The following PROK1 variants were observed in gnomAD, a reference collection of about 807,000 sequenced individuals.
PROK1 encodes the protein prokineticin-1.
In PROK1, 10 loss-of-function variants were observed where a neutral mutation model predicts 8.8. That is an observed-to-expected ratio of 1.13 (90% CI 0.70 to 1.92). The LOEUF is 1.92. PROK1 is among the 30% of genes most tolerant of loss of function. The pLI is 0.00. For missense variants in PROK1, 140 were observed against 139.7 expected (o/e 1.00, Z -0.01); for synonymous variants, 57 against 56.0 (o/e 1.02, Z -0.08).
chr1:110,453,852 C>G, intron 1 of PROK1, 109 bp from the exon 2 acceptor site: 1 of 1,461,334 alleles, frequency 6.8e-7, no homozygotes, highest in Non-Finnish European at 9.6e-7. Context: ...GGGTGATACT[C>G]TCAGCCTCTT....
At chr1:110,454,386 C>A (rs891272430) in intron 2 of PROK1, among the ~76,000 whole-genome samples, 16 of 152,260 alleles carry the variant, frequency 1.1e-4, no homozygotes, top group Non-Finnish European at 1.9e-4. Context: ...TTTATTTGTA[C>A]AGGGCCTGAC....
chr1:110,453,051 TAGG>T lies in PROK1; in HGVS notation c.73-906_73-904del, dbSNP rs751881518. ...TCTTTCCCTCTTGGGTCTGAGCAAG[TAGG>T]AGGCTTCCAGGTCCTGCCACGTCCC... is the stretch of plus-strand genomic sequence containing the variant. On this transcript the variant is annotated intron_variant, in intron 1 of 2. Coordinates refer to ENST00000271331, the MANE Select transcript of PROK1 (RefSeq NM_032414.3). Among the ~76,000 whole-genome samples the T allele has an allele frequency of 2.0e-5, 3 of 152,120 alleles. No individual in the cohort carries two copies. In the South Asian group the frequency reaches 6.2e-4, roughly 32 times the overall value.
At chr1:110,453,404 C>A (rs1428177121) in intron 1 of PROK1, among the ~76,000 whole-genome samples, 2 of 152,148 alleles carry the variant, frequency 1.3e-5, no homozygotes, top group Non-Finnish European at 2.9e-5. Context: ...GTAGAGAAAC[C>A]CTGGGAGAGG....
chr1:110,456,326 T>G lies in PROK1; in HGVS notation c.293T>G (p.Met98Arg). The change falls in exon 3 of 3, where the codon ATG (methionine) becomes AGG (arginine). Residue 98 changes from methionine (M) to arginine (R), a missense_variant. By Grantham distance (91) the Met-to-Arg change is moderately conservative. Transcript: ENST00000271331. ...CCGGACGGCAGGTACCGCTGCTCCATGGACTTGAAGAACATCAATTTTTAG... is the reference window on the plus strand; with the variant it reads ...CCGGACGGCAGGTACCGCTGCTCCAGGGACTTGAAGAACATCAATTTTTAG... ...RFPDGRYRCSMDLKNINF is the reference protein window; with the variant it reads ...RFPDGRYRCSRDLKNINF 6.2e-7 allele frequency: 1 copy of G among 1,614,132 alleles called. No individual in the cohort carries two copies. Among genetic ancestry groups the G allele is most frequent in the Non-Finnish European group, 8.5e-7 (1 of 1,180,036 alleles).
In PROK1 at chr1:110,456,633, G is replaced by A; in HGVS notation, c.*282G>A. ...GCTGCCAGAGAGGTGGTAAATGGCA[G>A]AAAGGACATTCCCCCTCCCCTCCCC... On this transcript the variant is annotated 3_prime_UTR_variant, in exon 3 of 3. Coordinates refer to ENST00000271331, the MANE Select transcript of PROK1 (RefSeq NM_032414.3). 1 of 462,900 alleles carries A rather than the reference G, an allele frequency of 2.2e-6. No homozygotes were observed. The highest frequency in any genetic ancestry group is 4.0e-6 in the Non-Finnish European group (1 of 250,020). 28.7% of individuals were successfully genotyped at this position (462,900 alleles called of 1,614,324 possible). A position where few individuals can be genotyped will look rare whatever the true frequency, so the allele number is the denominator to read the frequency against.
At chr1:110,456,010 A>G (rs1230139437) in intron 2 of PROK1, among the ~76,000 whole-genome samples, 3 of 152,192 alleles carry the variant, frequency 2.0e-5, no homozygotes, top group Non-Finnish European at 2.9e-5. Context: ...TGCAAATCCT[A>G]GCTCCTCCAC....
At chr1:110,453,243 G>A (rs550451177) in intron 1 of PROK1, among the ~76,000 whole-genome samples, 1 of 152,216 alleles carries the variant, frequency 6.6e-6, no homozygotes, top group Non-Finnish European at 1.5e-5. Context: ...TAAGAGTTCT[G>A]TCTTCCCCGG....
At chr1:110,456,138 T>C (rs1462813499) in intron 2 of PROK1, 94 bp from the exon 3 acceptor site, 1 of 1,386,668 alleles carries the variant, frequency 7.2e-7, no homozygotes, top group Non-Finnish European at 1.0e-6. Context: ...GGTGTGGGGG[T>C]GAGACTTTTG....
Position 110,456,578 on chromosome 1 carries a change from G to A in PROK1, c.*227G>A, listed in dbSNP as rs1428832418. On this transcript the variant is annotated 3_prime_UTR_variant, in exon 3 of 3. Coordinates refer to ENST00000271331, the MANE Select transcript of PROK1 (RefSeq NM_032414.3). ...ACAGCTTGAGGCTGTGGTGTGAAAG[G>A]TGGCCAGCCTGGTTCTCTTCCCTGC... The A allele has an allele frequency of 5.0e-6, 3 of 600,076 alleles. No homozygotes were observed. The highest frequency in any genetic ancestry group is 3.7e-5 in the South Asian group (2 of 54,332). 37.2% of individuals were successfully genotyped at this position (600,076 alleles called of 1,614,324 possible). A position where few individuals can be genotyped will look rare whatever the true frequency, so the allele number is the denominator to read the frequency against.
In PROK1 at chr1:110,456,485, C is replaced by A. The variant is rs764569964; in HGVS notation, c.*134C>A. The A allele has an allele frequency of 9.0e-7, 1 of 1,112,396 alleles. No individual in the cohort carries two copies. The highest frequency in any genetic ancestry group is 1.3e-6 in the Non-Finnish European group (1 of 749,692). The allele number at this position is 1,112,396 out of a possible 1,614,324, so 68.9% of individuals were successfully genotyped here. A position where few individuals can be genotyped will look rare whatever the true frequency, so the allele number is the denominator to read the frequency against. On this transcript the variant is annotated 3_prime_UTR_variant, in exon 3 of 3. Transcript: ENST00000271331. Reference sequence around the variant, plus strand: ...CTACCCTGATCTCTCTTGTCTAGTACGCACATATGCACACAGGCAGACATA... The same window carrying A: ...CTACCCTGATCTCTCTTGTCTAGTAAGCACATATGCACACAGGCAGACATA...
At chr1:110,453,900 T>G in intron 1 of PROK1, 61 bp from the exon 2 acceptor site, 2 of 1,610,516 alleles carry the variant, frequency 1.2e-6, no homozygotes, top group Non-Finnish European at 8.5e-7. Context: ...GGATCTACCC[T>G]TCCCTTCTGC....
intron 1 of PROK1, among the ~76,000 whole-genome samples, chr1:110,452,349 TA>T (rs1664099861): frequency 6.6e-6 from 1 of 152,106 alleles, no homozygotes; most frequent in African/African-American, 2.4e-5. Context: ...AAAGCAAAAA[TA>T]AAAATAATTG....
intron 1 of PROK1, among the ~76,000 whole-genome samples, chr1:110,451,641 T>A (rs1664090057): frequency 6.6e-6 from 1 of 152,230 alleles, no homozygotes; most frequent in Admixed American, 6.5e-5. Flanking sequence ...TTATCTTTTG[T>A]GTGAATTTTA....
At chr1:110,454,361 T>C (rs918883528) in intron 2 of PROK1, among the ~76,000 whole-genome samples, 1 of 152,250 alleles carries the variant, frequency 6.6e-6, no homozygotes, top group Non-Finnish European at 1.5e-5. Flanking sequence ...GCCCTGCAGA[T>C]GACACATTTG....
At chr1:110,451,367 T>C (rs1341799309) in intron 1 of PROK1, 79 bp downstream of exon 1, 2 of 1,253,542 alleles carry the variant, frequency 1.6e-6, no homozygotes, top group South Asian at 2.4e-5. Flanking sequence ...CCAGGAACCA[T>C]GCAGGAGGCT....
At chr1:110,456,148 G>A in intron 2 of PROK1, 84 bp from the exon 3 acceptor site, 5 of 1,500,184 alleles carry the variant, frequency 3.3e-6, no homozygotes, top group Non-Finnish European at 4.6e-6. Flanking sequence ...TGAGACTTTT[G>A]CCAGTGCTGG....
intron 1 of PROK1, among the ~76,000 whole-genome samples, chr1:110,453,536 T>G (rs1408502869): frequency 1.3e-5 from 2 of 152,166 alleles, no homozygotes; most frequent in African/African-American, 4.8e-5. Flanking sequence ...TGGAGACTCC[T>G]GGTCCAAGGC....
chr1:110,456,272 G>A lies in PROK1; in HGVS notation c.239G>A (p.Cys80Tyr). 6.2e-7 allele frequency: 1 copy of A among 1,613,888 alleles called. No homozygotes were observed. The highest frequency in any genetic ancestry group is 8.5e-7 in the Non-Finnish European group (1 of 1,180,024). Residue 80 changes from cysteine (C) to tyrosine (Y), a missense_variant, in exon 3 of 3, where the codon TGC (cysteine) becomes TAC (tyrosine). Coordinates refer to ENST00000271331, the MANE Select transcript of PROK1 (RefSeq NM_032414.3). ...FRKRKHHTCPCLPNLLCSRFP... is the reference protein window; with the variant it reads ...FRKRKHHTCPYLPNLLCSRFP... ...AAACGCAAGCACCACACCTGTCCTT[G>A]CTTGCCCAACCTGCTGTGCTCCAGG...
In PROK1 at chr1:110,456,448, TC is replaced by T; in HGVS notation, c.*100del. The stretch of plus-strand genomic sequence containing the variant: ...AACCCAGCTCCCATGACTCTCCCAG[TC>T]CCTACACTGACTACCCTGATCTCTC... On this transcript the variant is annotated 3_prime_UTR_variant, in exon 3 of 3. Coordinates refer to ENST00000271331, the MANE Select transcript of PROK1 (RefSeq NM_032414.3). 1 of 1,462,680 alleles carries T rather than the reference TC, an allele frequency of 6.8e-7. No individual in the cohort carries two copies. Among genetic ancestry groups the T allele is most frequent in the Non-Finnish European group, 9.5e-7 (1 of 1,055,896 alleles). The allele number at this position is 1,462,680 out of a possible 1,614,324, so 90.6% of individuals were successfully genotyped here.
Sources: gnomAD v4.1 joint callset for allele counts (sites outside exome capture counted in the v4.1 genomes callset) on GRCh38, gnomAD v4.1.1 for gene constraint, MANE v1.5 for transcripts, NCBI Gene and HGNC (gene_info 2026-07-23, HGNC 2026-07-21) for gene names.